Variants in FSTL5 observed in about 807,000 individuals in gnomAD.
The protein encoded by FSTL5 is follistatin-related protein 5.
Under a neutral mutation model 89.1 loss-of-function variants are expected in FSTL5, and 62 were observed. The observed-to-expected ratio is 0.70, with a 90% CI of 0.57 to 0.86. FSTL5 has a LOEUF of 0.86. Among genes scored for constraint, FSTL5 ranks in the 40% least tolerant of loss-of-function variants. The pLI, the probability that FSTL5 is intolerant of heterozygous loss-of-function variation, is 0.00. For synonymous variants in FSTL5, 383 were observed against 346.2 expected (o/e 1.11, Z -1.18); for missense variants, 1,057 against 1,001.6 (o/e 1.06, Z -0.75).
At chr4:161,926,823 C>T (rs1036202479) in intron 3 of FSTL5, among the ~76,000 whole-genome samples, 3 of 151,726 alleles carry the variant, frequency 2.0e-5, no homozygotes, top group African/African-American at 7.2e-5. Context: ...TACAGTAGTA[C>T]TTATCATTAT....
At chr4:161,563,426 GCTCC>G (rs1732676066) in intron 8 of FSTL5, among the ~76,000 whole-genome samples, 1 of 151,860 alleles carries the variant, frequency 6.6e-6, no homozygotes, top group South Asian at 2.1e-4. Context: ...AGTGAATAGG[GCTCC>G]AAATTCTCCA....
At chr4:161,574,166 A>G (rs1442677886) in intron 8 of FSTL5, among the ~76,000 whole-genome samples, 1 of 152,082 alleles carries the variant, frequency 6.6e-6, no homozygotes, top group Non-Finnish European at 1.5e-5. Flanking sequence ...TCCTATCTCA[A>G]GATCCTTAAA....
intron 2 of FSTL5, among the ~76,000 whole-genome samples, chr4:162,079,593 A>T (rs58962940): frequency 1.8e-4 from 28 of 151,698 alleles, no homozygotes; most frequent in African/African-American, 6.5e-4. Flanking sequence ...ATATTTGATT[A>T]TGGTAAAAAT....
intron 4 of FSTL5, among the ~76,000 whole-genome samples, chr4:161,817,056 T>A (rs1579113472): frequency 6.6e-6 from 1 of 152,282 alleles, no homozygotes; most frequent in Admixed American, 6.5e-5. Flanking sequence ...ACATATCACA[T>A]ATATACTAAC....
chr4:162,065,031 T>C (rs974538537), intron 2 of FSTL5, among the ~76,000 whole-genome samples: 2 of 151,916 alleles, frequency 1.3e-5, no homozygotes, highest in East Asian at 1.9e-4. Context: ...TAAATGATGA[T>C]GAAAAAATTG....
chr4:161,448,117 TC>T (rs1733015082), intron 15 of FSTL5, among the ~76,000 whole-genome samples: 1 of 152,084 alleles, frequency 6.6e-6, no homozygotes. Context: ...AGAGTTGGCT[TC>T]CTGGGATATT....
At chr4:161,955,122 A>G (rs1291339511) in intron 3 of FSTL5, among the ~76,000 whole-genome samples, 1 of 151,698 alleles carries the variant, frequency 6.6e-6, no homozygotes, top group Non-Finnish European at 1.5e-5. Context: ...ATTTATGAGA[A>G]AAATTATGAA....
intron 15 of FSTL5, among the ~76,000 whole-genome samples, chr4:161,414,399 ATAT>A (rs1414135226): frequency 1.3e-5 from 2 of 152,176 alleles, no homozygotes; most frequent in Non-Finnish European, 2.9e-5. Context: ...ACGAGACAAA[ATAT>A]TATTCATACA....
chr4:161,727,511 A>G (rs923494904), intron 6 of FSTL5, among the ~76,000 whole-genome samples: 8 of 152,158 alleles, frequency 5.3e-5, no homozygotes, highest in African/African-American at 1.9e-4. Flanking sequence ...GCCAAACACC[A>G]TTTCACCTTA....
chr4:161,999,544 T>C lies in FSTL5; in HGVS notation c.160+34081A>G, dbSNP rs376962301. On this transcript the variant is annotated intron_variant, in intron 3 of 15. Coordinates refer to ENST00000306100, the MANE Select transcript of FSTL5 (RefSeq NM_020116.5). ...TTAATTGACTATGTATAATAAACAC[T>C]TCATGGTGTCACTAACATATTTGTA... Among the ~76,000 whole-genome samples the C allele has an allele frequency of 1.6e-4, 25 of 152,266 alleles. No individual in the cohort carries two copies. In the East Asian group the frequency reaches 1.7e-3, roughly 11 times the overall value.
chr4:161,766,581 T>C (rs912171457), intron 5 of FSTL5, among the ~76,000 whole-genome samples: 1 of 152,178 alleles, frequency 6.6e-6, no homozygotes, highest in African/African-American at 2.4e-5. Context: ...CATCATTGTG[T>C]CTTCGGGAAA....
chr4:161,583,870 G>A lies in FSTL5; in HGVS notation c.1015+3585C>T, dbSNP rs556435700. ...TAATATTTGATCCTTGGGAACACCA[G>A]TCCATTTTCATGTCACATTTATCAT... On this transcript the variant is annotated intron_variant, in intron 8 of 15. Coordinates refer to ENST00000306100, the MANE Select transcript of FSTL5 (RefSeq NM_020116.5). Among the ~76,000 whole-genome samples the A allele has an allele frequency of 2.3e-4, 35 of 152,196 alleles. No homozygotes were observed. In the South Asian group the frequency reaches 7.1e-3, roughly 31 times the overall value.
intron 7 of FSTL5, among the ~76,000 whole-genome samples, chr4:161,620,021 G>T (rs999585561): frequency 8.6e-5 from 13 of 151,986 alleles, no homozygotes; most frequent in African/African-American, 3.1e-4. Flanking sequence ...AAAAAATGAT[G>T]AGCTCATGTC....
intron 3 of FSTL5, among the ~76,000 whole-genome samples, chr4:162,027,507 C>T (rs969091411): frequency 2.0e-5 from 3 of 151,878 alleles, no homozygotes; most frequent in African/African-American, 4.8e-5. Flanking sequence ...TTGTACTCAA[C>T]GTTTTACTAT....
chr4:162,117,870 AAATT>A (rs1477499441), intron 1 of FSTL5, among the ~76,000 whole-genome samples: 23 of 152,084 alleles, frequency 1.5e-4, no homozygotes, highest in African/African-American at 4.8e-4. Context: ...AAATTGATAA[AAATT>A]AATTAATTTG....
intron 8 of FSTL5, among the ~76,000 whole-genome samples, chr4:161,546,865 C>T (rs1188569347): frequency 1.3e-5 from 2 of 151,956 alleles, no homozygotes; most frequent in Non-Finnish European, 2.9e-5. Context: ...CAATTGTTGA[C>T]ACTCCTGTCT....
intron 1 of FSTL5, among the ~76,000 whole-genome samples, chr4:162,149,599 G>C (rs1397299953): frequency 6.6e-6 from 1 of 152,056 alleles, no homozygotes; most frequent in Non-Finnish European, 1.5e-5. Flanking sequence ...GCTGCAGTGA[G>C]CTGCGATCAT....
intron 10 of FSTL5, among the ~76,000 whole-genome samples, chr4:161,532,162 G>T (rs986264411): frequency 2.0e-5 from 3 of 150,488 alleles, no homozygotes; most frequent in South Asian, 2.1e-4. Context: ...CGGAGATCAC[G>T]CCACTCCAGC....
intron 2 of FSTL5, among the ~76,000 whole-genome samples, chr4:162,036,732 T>C (rs1476614734): frequency 6.6e-6 from 1 of 151,958 alleles, no homozygotes; most frequent in African/African-American, 2.4e-5. Flanking sequence ...TGGAAGGAAA[T>C]TTTCAATAGT....
Sources: allele counts gnomAD v4.1 joint callset (sites outside exome capture counted in the v4.1 genomes callset), GRCh38; gene constraint gnomAD v4.1.1; transcripts MANE v1.5; gene names NCBI Gene and HGNC (gene_info 2026-07-23, HGNC 2026-07-21).